The following WDFY3 variants were observed in gnomAD, a reference collection of about 807,000 sequenced individuals.
WDFY3 encodes WD repeat and FYVE domain containing 3.
A neutral mutation model predicts 409.6 loss-of-function variants in WDFY3; 66 were observed. The observed-to-expected ratio is 0.16, with a 90% CI of 0.13 to 0.20. WDFY3 has a LOEUF of 0.20. WDFY3 is among the 10% of genes least tolerant of loss of function. The pLI is 1.00. For synonymous variants in WDFY3, 1,521 were observed against 1,537.1 expected (o/e 0.99, Z 0.25); for missense variants, 3,031 against 4,298.1 (o/e 0.71, Z 8.24).
At chr4:84,815,136 G>GT (rs1204002354) in intron 13 of WDFY3, among the ~76,000 whole-genome samples, 1 of 152,158 alleles carries the variant, frequency 6.6e-6, no homozygotes, top group East Asian at 1.9e-4. Context: ...ACTAGTAGAG[G>GT]AAGTGAAAGG....
At chr4:84,959,871 A>C (rs889887803) in intron 1 of WDFY3, among the ~76,000 whole-genome samples, 1 of 152,232 alleles carries the variant, frequency 6.6e-6, no homozygotes, top group African/African-American at 2.4e-5. Flanking sequence ...ACTAGGAATA[A>C]ACATTACAGT....
At chr4:84,868,857 T>C (rs1761792241) in intron 3 of WDFY3, among the ~76,000 whole-genome samples, 1 of 152,228 alleles carries the variant, frequency 6.6e-6, no homozygotes, top group African/African-American at 2.4e-5. Context: ...ATTAATACAG[T>C]ATAATTCAAT....
intron 53 of WDFY3, among the ~76,000 whole-genome samples, chr4:84,706,880 ACTCT>A (rs2148969755): frequency 6.6e-6 from 1 of 151,224 alleles, no homozygotes; most frequent in African/African-American, 2.4e-5. Flanking sequence ...AGGTTTTTCA[ACTCT>A]CTCCCAAATT....
chr4:84,734,302 G>A (rs1465968967), intron 43 of WDFY3, among the ~76,000 whole-genome samples: 1 of 151,904 alleles, frequency 6.6e-6, no homozygotes, highest in Non-Finnish European at 1.5e-5. Flanking sequence ...AATGATTCAT[G>A]GAATATAAGT....
chr4:84,730,432 A>G (rs2149145817), intron 44 of WDFY3, among the ~76,000 whole-genome samples: 1 of 152,318 alleles, frequency 6.6e-6, no homozygotes, highest in South Asian at 2.1e-4. Flanking sequence ...ATTCACTATC[A>G]ATGGATAATG....
chr4:84,886,955 G>C (rs575811720), intron 3 of WDFY3, among the ~76,000 whole-genome samples: 1 of 152,128 alleles, frequency 6.6e-6, no homozygotes, highest in South Asian at 2.1e-4. Context: ...GAAAATTATG[G>C]TACAGAATGA....
chr4:84,821,385 A>C lies in WDFY3; in HGVS notation c.1290T>G (p.Phe430Leu), dbSNP rs771628037. 3.1e-6 allele frequency: 5 copies of C among 1,613,946 alleles called. No homozygotes were observed. In the East Asian group the frequency reaches 1.1e-4, roughly 36 times the overall value. ...CTGGGAGTTTAGAAATCTTCTCTGC[A>C]AACTGTGACAATGTGTGCTGTGACT... ...ILESQHTLSQ[F>L]AEKISKLPEV... The change falls in exon 11 of 68, where the codon TTT becomes TTG. Residue 430 changes from phenylalanine to leucine, a missense_variant. Physicochemically the swap from Phe to Leu is conservative, Grantham distance 22. Transcript: ENST00000295888.
At chr4:84,678,029 C>T in intron 66 of WDFY3, 139 bp downstream of exon 66, 1 of 412,244 alleles carries the variant, frequency 2.4e-6, no homozygotes, top group Non-Finnish European at 4.6e-6. Context: ...CAGGGTTCTT[C>T]TTCAAATTTA....
intron 1 of WDFY3, among the ~76,000 whole-genome samples, chr4:84,950,619 G>A (rs760465574): frequency 3.9e-5 from 6 of 151,978 alleles, no homozygotes; most frequent in Non-Finnish European, 7.4e-5. Context: ...GTGAAACCCC[G>A]TCTCTATTAA....
At chr4:84,926,548 A>C (rs1175335685) in intron 2 of WDFY3, among the ~76,000 whole-genome samples, 2 of 152,164 alleles carry the variant, frequency 1.3e-5, no homozygotes, top group Admixed American at 6.5e-5. Context: ...CCAGCTTTTT[A>C]AACTCTCTCA....
At chr4:84,761,815 C>T (rs187228194) in intron 32 of WDFY3, among the ~76,000 whole-genome samples, 40 of 152,292 alleles carry the variant, frequency 2.6e-4, no homozygotes, top group Admixed American at 2.6e-3. Context: ...CATGAACAGA[C>T]ACTTCTCAAA....
intron 4 of WDFY3, among the ~76,000 whole-genome samples, chr4:84,858,975 G>C (rs575044191): frequency 5.9e-5 from 9 of 151,892 alleles, no homozygotes; most frequent in East Asian, 3.9e-4. Context: ...GGCATAGAGA[G>C]AGACAGACAG....
intron 2 of WDFY3, among the ~76,000 whole-genome samples, chr4:84,911,026 T>G (rs983886817): frequency 6.6e-6 from 1 of 151,808 alleles, no homozygotes; most frequent in Non-Finnish European, 1.5e-5. Context: ...AGCCCAATGG[T>G]TTCTTAAATA....
intron 1 of WDFY3, among the ~76,000 whole-genome samples, chr4:84,953,479 T>C (rs182655038): frequency 2.3e-4 from 35 of 152,236 alleles, no homozygotes; most frequent in African/African-American, 8.4e-4. Context: ...TGTTCATTTG[T>C]TTCACCATTG....
chr4:84,715,025 A>G (rs973789320), intron 50 of WDFY3, among the ~76,000 whole-genome samples: 11 of 152,168 alleles, frequency 7.2e-5, no homozygotes, highest in Non-Finnish European at 1.6e-4. Context: ...CATCCTTTGT[A>G]TTTAGAGACA....
intron 21 of WDFY3, among the ~76,000 whole-genome samples, chr4:84,790,397 C>A (rs1396977445): frequency 6.6e-6 from 1 of 151,912 alleles, no homozygotes; most frequent in African/African-American, 2.4e-5. Context: ...ACAGAAGATA[C>A]CTTATTCATG....
chr4:84,766,330 A>G lies in WDFY3; in HGVS notation c.4892T>C (p.Ile1631Thr), dbSNP rs1286193582. The G allele has an allele frequency of 6.9e-6, 11 of 1,602,912 alleles. No individual in the cohort carries two copies. Among genetic ancestry groups the G allele is most frequent in the East Asian group, 4.5e-5 (2 of 44,574 alleles). Reference protein sequence around the residue: ...EFGGLVSANLILLRNRLLDIL... With the variant: ...EFGGLVSANLTLLRNRLLDIL... ...ATCCAGAAGTCTGTTCCTCAAAAGT[A>G]TAAGATTAGCTGATACAAGACCTCC... Residue 1631 changes from isoleucine (I) to threonine (T), a missense_variant, in exon 31 of 68, where the codon ATA becomes ACA. This residue lies in a region of WDFY3 where 342 missense variants were observed against 463.7 expected (regional missense o/e 0.74). Coordinates refer to ENST00000295888, the MANE Select transcript of WDFY3 (RefSeq NM_014991.6).
intron 58 of WDFY3, among the ~76,000 whole-genome samples, chr4:84,695,241 T>G (rs868071328): frequency 1.1e-4 from 16 of 152,118 alleles, no homozygotes; most frequent in African/African-American, 3.1e-4. Context: ...ATCTGGGTGC[T>G]GAGAGGCTTA....
chr4:84,753,847 C>T lies in WDFY3; in HGVS notation c.5589G>A (p.Trp1863Ter). ...TCAGGGTCACAGGATATTCTCGGAG[C>T]CAAGATCCCTCTTCTTCTGATTGCC... ...SPWQSEEEGSWLREYPVTLMQ... is the reference protein window; with the variant it reads ...SPWQSEEEGS Residue 1863 changes from tryptophan (W) to a stop codon, truncating the protein, a stop_gained, in exon 35 of 68, where the codon TGG becomes TGA. Coordinates refer to ENST00000295888, the MANE Select transcript of WDFY3 (RefSeq NM_014991.6). LOFTEE classifies it high-confidence loss of function. The T allele has an allele frequency of 6.2e-7, 1 of 1,603,232 alleles. No individual in the cohort carries two copies. Among genetic ancestry groups the T allele is most frequent in the South Asian group, 1.1e-5 (1 of 89,444 alleles).
Sources: allele counts gnomAD v4.1 joint callset (sites outside exome capture counted in the v4.1 genomes callset), GRCh38; gene constraint gnomAD v4.1.1; regional missense constraint gnomAD v4.1.1; transcripts MANE v1.5; gene names NCBI Gene and HGNC (gene_info 2026-07-23, HGNC 2026-07-21).